The following NT5DC1 variants were observed in gnomAD, a reference collection of about 807,000 sequenced individuals.
NT5DC1 encodes the protein 5'-nucleotidase domain-containing protein 1.
Under a neutral mutation model 59.4 loss-of-function variants are expected in NT5DC1, and 42 were observed. That is an observed-to-expected ratio of 0.71 (90% confidence interval 0.55 to 0.92). NT5DC1 has a LOEUF of 0.92. Among genes scored for constraint, NT5DC1 ranks in the 40% least tolerant of loss-of-function variants. The probability of loss-of-function intolerance (pLI) is 0.00; values close to 1 mark genes in which losing one functional copy is unlikely to be tolerated. For synonymous variants in NT5DC1, 172 were observed against 188.1 expected (o/e 0.91, Z 0.70); for missense variants, 501 against 537.1 (o/e 0.93, Z 0.66).
chr6:116,246,836 C>T lies in NT5DC1; in HGVS notation c.*2812C>T, dbSNP rs1771857575. Reference sequence around the variant, plus strand: ...AAATCCCTGGGCATGGTCCAGTCCACATAGAATGAATTCAGAAAGGTGTCT... The same window carrying T: ...AAATCCCTGGGCATGGTCCAGTCCATATAGAATGAATTCAGAAAGGTGTCT... On this transcript the variant is annotated 3_prime_UTR_variant, in exon 12 of 12. Transcript: ENST00000319550. The T allele has an allele frequency of 6.6e-6, 1 of 152,180 alleles. No homozygotes were observed. The highest frequency in any genetic ancestry group is 2.4e-5 in the African/African-American group (1 of 41,450). 9.4% of individuals were successfully genotyped at this position (152,180 alleles called of 1,614,324 possible). A position where few individuals can be genotyped will look rare whatever the true frequency, so the allele number is the denominator to read the frequency against.
At chr6:116,171,815 T>A (rs1780612929) in intron 6 of NT5DC1, among the ~76,000 whole-genome samples, 1 of 152,202 alleles carries the variant, frequency 6.6e-6, no homozygotes, top group South Asian at 2.1e-4. Context: ...TTTGCATAAA[T>A]GTGCAATTTG....
Position 116,163,139 on chromosome 6 carries a change from A to ATATAT in NT5DC1, c.529+45194_529+45195insTATAT, listed in dbSNP as rs1329810394. ...GAGACTCCGTCTCAAAAAAAAAAAA[A>ATATAT]AAATATATATATATATATATATATT... On this transcript the variant is annotated intron_variant, in intron 6 of 11. Transcript: ENST00000319550. Among the ~76,000 whole-genome samples the ATATAT allele has an allele frequency of 1.1e-3, 110 of 100,372 alleles. 1 individual carries two copies. The East Asian group carries it at 0.012, about 11-fold the overall frequency. The allele number at this position is 100,372 out of a possible 152,430, so 65.8% of individuals were successfully genotyped here. A position where few individuals can be genotyped will look rare whatever the true frequency, so the allele number is the denominator to read the frequency against.
chr6:116,128,139 G>GT (rs1234379272), intron 6 of NT5DC1, among the ~76,000 whole-genome samples: 2 of 152,144 alleles, frequency 1.3e-5, no homozygotes, highest in African/African-American at 4.8e-5. Context: ...GTAAATATAT[G>GT]TGGGTATTTG....
intron 6 of NT5DC1, among the ~76,000 whole-genome samples, chr6:116,161,785 G>A (rs1459895949): frequency 6.6e-6 from 1 of 151,742 alleles, no homozygotes; most frequent in Non-Finnish European, 1.5e-5. Context: ...TAATTTGATG[G>A]GAAGTTGCAT....
At chr6:116,193,440 C>G (rs186367070) in intron 6 of NT5DC1, among the ~76,000 whole-genome samples, 5 of 152,186 alleles carry the variant, frequency 3.3e-5, no homozygotes, top group Non-Finnish European at 7.4e-5. Context: ...AAATCTGGAA[C>G]TTGCAACTTG....
At chr6:116,212,870 C>T (rs1781607135) in intron 6 of NT5DC1, among the ~76,000 whole-genome samples, 1 of 152,056 alleles carries the variant, frequency 6.6e-6, no homozygotes, top group Admixed American at 6.6e-5. Flanking sequence ...TTTCTTTAAA[C>T]TGTTTAAAAC....
intron 6 of NT5DC1, among the ~76,000 whole-genome samples, chr6:116,146,403 A>G (rs1230741993): frequency 2.0e-5 from 3 of 152,162 alleles, no homozygotes; most frequent in Non-Finnish European, 4.4e-5. Context: ...GTAAGAAGGA[A>G]TTTCTCAGAA....
chr6:116,186,298 A>C (rs1301012619), intron 6 of NT5DC1, among the ~76,000 whole-genome samples: 2 of 151,438 alleles, frequency 1.3e-5, no homozygotes, highest in Middle Eastern at 3.4e-3. Flanking sequence ...CATAGCTCTT[A>C]AGATTTTTTT....
intron 10 of NT5DC1, 78 bp downstream of exon 10, chr6:116,238,426 C>A (rs1782164260): frequency 1.1e-5 from 9 of 834,724 alleles, no homozygotes; most frequent in Non-Finnish European, 1.5e-5. Context: ...TACTACTTGA[C>A]TCCAAAATTG....
At chr6:116,215,722 T>C (rs1483885422) in intron 6 of NT5DC1, among the ~76,000 whole-genome samples, 1 of 152,060 alleles carries the variant, frequency 6.6e-6, no homozygotes, top group Non-Finnish European at 1.5e-5. Context: ...GGAGAAAAAA[T>C]AGGTTGTAAA....
Position 116,225,711 on chromosome 6 carries a change from C to T in NT5DC1, c.802+2580C>T, listed in dbSNP as rs1279819439. On this transcript the variant is annotated intron_variant, in intron 8 of 11. Transcript: ENST00000319550. The stretch of plus-strand genomic sequence containing the variant: ...ATGGAACCAGGGTATATGTGCAGCT[C>T]TTTCTAGAATTTTAGCTCTAAAGGC... Among the ~76,000 whole-genome samples the T allele has an allele frequency of 3.3e-5, 5 of 152,160 alleles. No individual in the cohort carries two copies. In the East Asian group the frequency reaches 9.6e-4, roughly 29 times the overall value.
intron 1 of NT5DC1, among the ~76,000 whole-genome samples, chr6:116,103,490 C>T (rs564980): frequency 0.59 from 89,760 of 151,622 alleles, 27,019 homozygotes; most frequent in East Asian, 0.78. Context: ...GAGGAAAGGC[C>T]GGGAGCTGGC....
At chr6:116,184,638 A>T (rs1224869466) in intron 6 of NT5DC1, among the ~76,000 whole-genome samples, 1 of 152,006 alleles carries the variant, frequency 6.6e-6, no homozygotes, top group Non-Finnish European at 1.5e-5. Context: ...CCAGGAATTT[A>T]TCCATCTCCT....
At chr6:116,239,211 T>C (rs1782180146) in intron 11 of NT5DC1, 88 bp downstream of exon 11, 1 of 991,876 alleles carries the variant, frequency 1.0e-6, no homozygotes, top group East Asian at 2.5e-5. Flanking sequence ...AAAAGAAATG[T>C]TGCCACAACA....
At position 116,246,075 on chromosome 6, in the gene NT5DC1, G is replaced by A. The variant is rs1421487975; in HGVS notation, c.*2051G>A. ...TTCATTCTTTGTAAAGAGTGCCAAT[G>A]GATATGAAGATTAAAAATAATCCAA... On this transcript the variant is annotated 3_prime_UTR_variant, in exon 12 of 12. Coordinates refer to ENST00000319550, the MANE Select transcript of NT5DC1 (RefSeq NM_152729.3). 1 of 151,516 alleles carries A rather than the reference G, an allele frequency of 6.6e-6. No individual in the cohort carries two copies. Among genetic ancestry groups the A allele is most frequent in the Non-Finnish European group, 1.5e-5 (1 of 67,850 alleles). 9.4% of individuals were successfully genotyped at this position (151,516 alleles called of 1,614,324 possible).
At chr6:116,174,642 A>G (rs370027560) in intron 6 of NT5DC1, among the ~76,000 whole-genome samples, 5 of 152,130 alleles carry the variant, frequency 3.3e-5, no homozygotes, top group South Asian at 4.1e-4. Context: ...TCCCTTTACT[A>G]TTTTCAATAA....
rs117703451 is a variant in NT5DC1, at chr6:116,193,497, T to A, written c.530-27557T>A. ...AATCTCTGTTTCTCTAACTTTAAGT[T>A]ACTTTGTAAAATGGAGAAGATATTT... On this transcript the variant is annotated intron_variant, in intron 6 of 11. Coordinates refer to ENST00000319550, the MANE Select transcript of NT5DC1 (RefSeq NM_152729.3). Among the ~76,000 whole-genome samples, 30 of 152,190 alleles carry A rather than the reference T, an allele frequency of 2.0e-4. No individual in the cohort carries two copies. The East Asian group carries it at 5.8e-3, about 30-fold the overall frequency.
chr6:116,131,137 G>A (rs1383933903), intron 6 of NT5DC1, among the ~76,000 whole-genome samples: 1 of 152,170 alleles, frequency 6.6e-6, no homozygotes, highest in East Asian at 1.9e-4. Flanking sequence ...ACCTGAGGGT[G>A]AAGGAGATGT....
At chr6:116,194,710 T>A (rs1346792465) in intron 6 of NT5DC1, among the ~76,000 whole-genome samples, 1 of 152,062 alleles carries the variant, frequency 6.6e-6, no homozygotes, top group Non-Finnish European at 1.5e-5. Flanking sequence ...AGTATAATTA[T>A]ATTATTTAGA....
Sources: gnomAD v4.1 joint callset for allele counts (sites outside exome capture counted in the v4.1 genomes callset) on GRCh38, gnomAD v4.1.1 for gene constraint, MANE v1.5 for transcripts, NCBI Gene and HGNC (gene_info 2026-07-23, HGNC 2026-07-21) for gene names.